The following PDZD2 variants were observed in gnomAD, a reference collection of about 807,000 sequenced individuals.
PDZD2 encodes the protein PDZ domain-containing protein 2.
PDZD2 carries 90 observed loss-of-function variants against 220.7 expected under a neutral mutation model. The ratio of observed to expected loss-of-function variants is 0.41; its 90% confidence interval spans 0.34 to 0.49. The LOEUF (loss-of-function observed/expected upper bound fraction) is 0.49, where lower values mean the gene tolerates loss of function less well. Among genes scored for constraint, PDZD2 ranks in the 20% least tolerant of loss-of-function variants. The probability of loss-of-function intolerance (pLI) is 0.28; values close to 1 mark genes in which losing one functional copy is unlikely to be tolerated. For synonymous variants in PDZD2, 1,375 were observed against 1,450.5 expected (o/e 0.95, Z 1.18); for missense variants, 3,174 against 3,608.5 (o/e 0.88, Z 3.08).
At chr5:31,659,742 A>G (rs1745690308) in intron 1 of PDZD2, among the ~76,000 whole-genome samples, 1 of 152,228 alleles carries the variant, frequency 6.6e-6, no homozygotes, top group East Asian at 1.9e-4. Flanking sequence ...ATACAGCCCT[A>G]TGCTGGGCAA....
intron 14 of PDZD2, among the ~76,000 whole-genome samples, chr5:32,062,904 A>T: frequency 6.6e-6 from 1 of 152,128 alleles, no homozygotes; most frequent in East Asian, 1.9e-4. Context: ...TCTAATACAG[A>T]TGGCTCCACG....
intron 1 of PDZD2, chr5:31,754,634 G>C (rs1751204258): frequency 6.6e-6 from 1 of 152,120 alleles, no homozygotes; most frequent in South Asian, 2.1e-4. Context: ...GCCTTTAAAA[G>C]ATTAAGTCTT....
chr5:31,735,900 G>A (rs1048622937), intron 1 of PDZD2, among the ~76,000 whole-genome samples: 5 of 152,090 alleles, frequency 3.3e-5, no homozygotes, highest in Non-Finnish European at 4.4e-5. Context: ...AGCCAATATC[G>A]CACCACTGCA....
At chr5:31,865,674 C>T (rs1738157484) in intron 2 of PDZD2, among the ~76,000 whole-genome samples, 1 of 125,696 alleles carries the variant, frequency 8.0e-6, no homozygotes, top group Non-Finnish European at 1.6e-5. Context: ...TGCTCTGTGG[C>T]CCAGGCTGGA....
intron 16 of PDZD2, among the ~76,000 whole-genome samples, chr5:32,071,643 G>T (rs974956718): frequency 6.6e-6 from 1 of 150,442 alleles, no homozygotes; most frequent in Non-Finnish European, 1.5e-5. Context: ...CAAAATAAAA[G>T]AACTGAACTA....
intron 5 of PDZD2, among the ~76,000 whole-genome samples, chr5:32,004,389 C>T (rs1430513524): frequency 6.6e-6 from 1 of 152,106 alleles, no homozygotes; most frequent in Non-Finnish European, 1.5e-5. Flanking sequence ...AGTTCAAAAC[C>T]ATCCTGGGCA....
chr5:31,846,160 G>A (rs1196197629), intron 2 of PDZD2, among the ~76,000 whole-genome samples: 2 of 152,170 alleles, frequency 1.3e-5, no homozygotes, highest in African/African-American at 4.8e-5. Context: ...TTGAGACGGA[G>A]TCTCACTCTG....
chr5:31,811,922 G>A (rs1755136167), intron 2 of PDZD2, among the ~76,000 whole-genome samples: 1 of 151,934 alleles, frequency 6.6e-6, no homozygotes, highest in African/African-American at 2.4e-5. Context: ...CCCAAGAGGT[G>A]GAAGTTGCAG....
intron 23 of PDZD2, chr5:32,100,219 G>A (rs1744128467): frequency 6.4e-6 from 1 of 155,834 alleles, no homozygotes; most frequent in Non-Finnish European, 1.4e-5. Context: ...CAATGGACTG[G>A]CCTTTATGTC....
rs1254237752 is a variant in PDZD2, at chr5:31,994,549, C to T, written c.979-1027C>T. Among the ~76,000 whole-genome samples, 4 of 151,476 alleles carry T rather than the reference C, an allele frequency of 2.6e-5. No homozygotes were observed. The East Asian group carries it at 7.8e-4, about 30-fold the overall frequency. ...TGCTTTGTCTGGAGTGCAGTGGCAC[C>T]ATCTTGGCCCACTACAACCTCCACC... On this transcript the variant is annotated intron_variant, in intron 3 of 24. Transcript: ENST00000438447.
At chr5:31,889,784 C>T (rs1740842349) in intron 2 of PDZD2, among the ~76,000 whole-genome samples, 1 of 152,082 alleles carries the variant, frequency 6.6e-6, no homozygotes, top group Non-Finnish European at 1.5e-5. Flanking sequence ...TTCTGGGAGG[C>T]TGAGGTGGGC....
In PDZD2 at chr5:32,087,398, C is replaced by G; in HGVS notation, c.3950C>G (p.Thr1317Ser). 1 of 1,614,108 alleles carries G rather than the reference C, an allele frequency of 6.2e-7. No homozygotes were observed. Among genetic ancestry groups the G allele is most frequent in the Non-Finnish European group, 8.5e-7 (1 of 1,179,980 alleles). ...TCGGAAACCAGCACACCCCACAATA[C>G]CAGGAGGGTGGCTGCCCTCAGGGGA... ...SASETSTPHN[T>S]RRVAALRGAG... The change falls in exon 20 of 25, where the codon ACC becomes AGC. Residue 1317 changes from threonine (T) to serine (S), a missense_variant. By Grantham distance (58) the Thr-to-Ser change is moderately conservative (BLOSUM62 1). This residue lies in a region of PDZD2 where 1,861 missense variants were observed against 2,001.0 expected (regional missense o/e 0.93). Transcript: ENST00000438447. This position sits in a 1 kb window ranked among gnomAD's most constrained non-coding sequence, Gnocchi z 4.0.
chr5:31,920,569 G>C (rs1744153279), intron 2 of PDZD2, among the ~76,000 whole-genome samples: 1 of 151,180 alleles, frequency 6.6e-6, no homozygotes, highest in Non-Finnish European at 1.5e-5. Flanking sequence ...CTATAGGGAA[G>C]ACTGAGACAG....
At chr5:31,907,362 T>C (rs1481718882) in intron 2 of PDZD2, among the ~76,000 whole-genome samples, 1 of 152,182 alleles carries the variant, frequency 6.6e-6, no homozygotes, top group Non-Finnish European at 1.5e-5. Flanking sequence ...CTTATAAGGG[T>C]ACTAATCCCT....
chr5:31,918,243 A>G (rs188455447), intron 2 of PDZD2, among the ~76,000 whole-genome samples: 68 of 152,268 alleles, frequency 4.5e-4, no homozygotes, highest in Admixed American at 3.5e-3. Flanking sequence ...TTTACATAAG[A>G]TTTGGGCGGG....
At chr5:31,664,751 C>T (rs994230524) in intron 1 of PDZD2, 1 of 152,168 alleles carries the variant, frequency 6.6e-6, no homozygotes, top group Admixed American at 6.5e-5. Context: ...TGATCTCACT[C>T]ATCCTTGGTC....
intron 1 of PDZD2, among the ~76,000 whole-genome samples, chr5:31,782,036 C>T (rs1253581056): frequency 2.6e-5 from 4 of 152,086 alleles, no homozygotes; most frequent in African/African-American, 9.7e-5. Context: ...GTGTGGGTGG[C>T]CGTGGCCCAT....
In PDZD2 at chr5:31,822,672, T is replaced by G. The variant is rs905324451; in HGVS notation, c.476+22948T>G. On this transcript the variant is annotated intron_variant, in intron 2 of 24. Transcript: ENST00000438447. ...CTTGCTGAATCAAAGCCACTGAATT[T>G]GAAACAAGCTCAATGTCATTTCCTT... is the stretch of plus-strand genomic sequence containing the variant. The G allele has an allele frequency of 4.5e-6, 6 of 1,323,670 alleles. No individual in the cohort carries two copies. In the African/African-American group the frequency reaches 8.7e-5, roughly 19 times the overall value. 82.0% of individuals were successfully genotyped at this position (1,323,670 alleles called of 1,614,324 possible).
chr5:31,954,100 A>AGT (rs1030082114), intron 2 of PDZD2, among the ~76,000 whole-genome samples: 7 of 151,936 alleles, frequency 4.6e-5, no homozygotes, highest in African/African-American at 1.7e-4. Flanking sequence ...TGGGCAACAG[A>AGT]GTGAGACACT....
Sources: allele counts gnomAD v4.1 joint callset (sites outside exome capture counted in the v4.1 genomes callset), GRCh38; gene constraint gnomAD v4.1.1; regional missense constraint gnomAD v4.1.1; non-coding constraint Gnocchi (gnomAD v3.1); transcripts MANE v1.5; gene names NCBI Gene and HGNC (gene_info 2026-07-23, HGNC 2026-07-21).